The following PCDHGB1 variants were observed in gnomAD, a reference collection of about 807,000 sequenced individuals.
The protein encoded by PCDHGB1 is protocadherin gamma-B1.
A neutral mutation model predicts 56.6 loss-of-function variants in PCDHGB1; 34 were observed. The ratio of observed to expected loss-of-function variants is 0.60; its 90% CI spans 0.46 to 0.80. The LOEUF is 0.80. PCDHGB1 is among the 30% of genes least tolerant of loss of function. The pLI is 0.00. For synonymous variants in PCDHGB1, 561 were observed against 505.9 expected (o/e 1.11, Z -1.46); for missense variants, 1,278 against 1,204.6 (o/e 1.06, Z -0.90).
At chr5:141,385,709 A>G (rs2090329249) in intron 1 of PCDHGB1, 1 of 259,144 alleles carries the variant, frequency 3.9e-6, no homozygotes, top group Non-Finnish European at 6.2e-6. Context: ...TAGCATTCAA[A>G]TATGTAAAAG....
rs1763342277 is a variant in PCDHGB1, at chr5:141,364,464, T to C, written c.2409+11795T>C. 1.2e-6 allele frequency: 2 copies of C among 1,613,996 alleles called. No individual in the cohort carries two copies. The highest frequency in any genetic ancestry group is 1.3e-5 in the African/African-American group (1 of 75,072). On this transcript the variant is annotated intron_variant, in intron 1 of 3. Transcript: ENST00000523390. The stretch of plus-strand genomic sequence containing the variant: ...GAGGAGCTGGACAAAGGCTCCTTCG[T>C]CGGCAACATAGCCAAGGACCTTGGG...
chr5:141,407,371 T>C (rs2094921499), intron 1 of PCDHGB1, among the ~76,000 whole-genome samples: 1 of 152,222 alleles, frequency 6.6e-6, no homozygotes, highest in South Asian at 2.1e-4. Context: ...CAGATATCCA[T>C]GAAGGCTTGT....
intron 3 of PCDHGB1, 96 bp downstream of exon 3, chr5:141,505,577 G>C: frequency 2.5e-6 from 4 of 1,589,854 alleles, no homozygotes; most frequent in Non-Finnish European, 3.4e-6. Flanking sequence ...TGTCAAACCT[G>C]TGTAGTTTCT....
In PCDHGB1 at chr5:141,395,547, TGTGTGTGTGTGTGTG is replaced by T. The variant is rs2093269943; in HGVS notation, c.2409+42879_2409+42893del. On this transcript the variant is annotated intron_variant, in intron 1 of 3. Coordinates refer to ENST00000523390, the MANE Select transcript of PCDHGB1 (RefSeq NM_018922.3). ...ACTGGTAATTTTGCTATTGTTTGTG[TGTGTGTGTGTGTGTG>T]TGTGTGTGTGTGTGTGTGTGTGTGT... 2.2e-3 allele frequency: 375 copies of T among 174,268 alleles called. 18 individuals carry two copies. The highest frequency in any genetic ancestry group is 5.2e-3 in the East Asian group (33 of 6,366). 10.8% of individuals were successfully genotyped at this position (174,268 alleles called of 1,614,324 possible). A position where few individuals can be genotyped will look rare whatever the true frequency, so the allele number is the denominator to read the frequency against.
rs1375469711 is a variant in PCDHGB1, at chr5:141,512,102, C to A, written c.*929C>A. On this transcript the variant is annotated 3_prime_UTR_variant, in exon 4 of 4. Coordinates refer to ENST00000523390, the MANE Select transcript of PCDHGB1 (RefSeq NM_018922.3). ...GCCATAAACCAATAACTAGGCTGGA[C>A]CCTTCCCACTACATAATAGGGCTCA... The A allele has an allele frequency of 6.5e-6, 1 of 152,688 alleles. No individual in the cohort carries two copies. Among genetic ancestry groups the A allele is most frequent in the Non-Finnish European group, 1.5e-5 (1 of 68,070 alleles). The allele number at this position is 152,688 out of a possible 1,614,324, so 9.5% of individuals were successfully genotyped here. A position where few individuals can be genotyped will look rare whatever the true frequency, so the allele number is the denominator to read the frequency against.
rs140916255 is a variant in PCDHGB1, at chr5:141,475,995, C to A, written c.2410-18812C>A. 2,057 of 1,172,604 alleles carry A rather than the reference C, an allele frequency of 1.8e-3. 30 individuals carry two copies. The African/African-American group carries it at 0.027, about 16-fold the overall frequency. 72.6% of individuals were successfully genotyped at this position (1,172,604 alleles called of 1,614,324 possible). ...ACTGAACAGCCGGCGAGCAAATCAA[C>A]GGCATCCAGAAAGCCATGTCGGACT... On this transcript the variant is annotated intron_variant, in intron 1 of 3. Coordinates refer to ENST00000523390, the MANE Select transcript of PCDHGB1 (RefSeq NM_018922.3).
rs1330463387 is a variant in PCDHGB1, at chr5:141,393,177, G to C, written c.2409+40508G>C. ...AGGAAAACTCTTTGGGGTAGAAATA[G>C]AAATAATTGATATTAACGATAATAA... On this transcript the variant is annotated intron_variant, in intron 1 of 3. Transcript: ENST00000523390. The C allele has an allele frequency of 1.2e-6, 2 of 1,613,174 alleles. No individual in the cohort carries two copies. Among genetic ancestry groups the C allele is most frequent in the Non-Finnish European group, 1.7e-6 (2 of 1,179,896 alleles).
At chr5:141,501,983 C>T (rs957901405) in intron 2 of PCDHGB1, among the ~76,000 whole-genome samples, 1 of 152,068 alleles carries the variant, frequency 6.6e-6, no homozygotes, top group Non-Finnish European at 1.5e-5. Context: ...CATCTGGTCC[C>T]GTTGTCTCCC....
chr5:141,405,638 CT>C lies in PCDHGB1; in HGVS notation c.2409+52970del. ...TACAGGCACGTGCCACCACGCCCGG[CT>C]AATTTTTTGTGTGTTTTTAGTAGAG... is the stretch of plus-strand genomic sequence containing the variant. On this transcript the variant is annotated intron_variant, in intron 1 of 3. Coordinates refer to ENST00000523390, the MANE Select transcript of PCDHGB1 (RefSeq NM_018922.3). 3 of 528,680 alleles carry C rather than the reference CT, an allele frequency of 5.7e-6. No individual in the cohort carries two copies. The East Asian group carries it at 9.4e-5, about 17-fold the overall frequency. 32.7% of individuals were successfully genotyped at this position (528,680 alleles called of 1,614,324 possible).
chr5:141,445,376 A>T (rs1182418123), intron 1 of PCDHGB1, among the ~76,000 whole-genome samples: 1 of 152,220 alleles, frequency 6.6e-6, no homozygotes, highest in Non-Finnish European at 1.5e-5. Context: ...TGGGTGGTTC[A>T]TTCATTCATT....
chr5:141,360,899 T>G, intron 1 of PCDHGB1: 1 of 1,614,042 alleles, frequency 6.2e-7, no homozygotes, highest in South Asian at 1.1e-5. Context: ...AGGGAGGACG[T>G]GCCGCCGGGC....
rs1193465269 is a variant in PCDHGB1 at position 141,467,055 on chromosome 5, C to CT, written c.2410-27736dup. Among the ~76,000 whole-genome samples, 814 of 134,448 alleles carry CT rather than the reference C, an allele frequency of 6.1e-3. 10 individuals carry two copies. Among genetic ancestry groups the CT allele is most frequent in the African/African-American group, 0.018 (656 of 36,920 alleles). The allele number at this position is 134,448 out of a possible 152,430, so 88.2% of individuals were successfully genotyped here. A position where few individuals can be genotyped will look rare whatever the true frequency, so the allele number is the denominator to read the frequency against. Reference sequence around the variant, plus strand: ...TTTTTGTGTAATGAATCAATGTTTTCTTTTTTTTTTTTTTTTAGACCAAGT... The same window carrying CT: ...TTTTTGTGTAATGAATCAATGTTTTCTTTTTTTTTTTTTTTTTAGACCAAGT... On this transcript the variant is annotated intron_variant, in intron 1 of 3. Coordinates refer to ENST00000523390, the MANE Select transcript of PCDHGB1 (RefSeq NM_018922.3).
In PCDHGB1 at chr5:141,486,194, C is replaced by A. The variant is rs1248456800; in HGVS notation, c.2410-8613C>A. The A allele has an allele frequency of 6.2e-7, 1 of 1,614,196 alleles. No individual in the cohort carries two copies. Among genetic ancestry groups the A allele is most frequent in the Non-Finnish European group, 8.5e-7 (1 of 1,180,026 alleles). ...ACATTGCAGCCTTCGAGTGGATCTG[C>A]TGGACGTAAATGACAATGCCCCTTA... On this transcript the variant is annotated intron_variant, in intron 1 of 3. Transcript: ENST00000523390. The surrounding 1 kb of genome is among the most constrained non-coding windows in gnomAD (Gnocchi z 5.0).
At chr5:141,375,442 C>A (rs746357528) in intron 1 of PCDHGB1, 1 of 1,614,034 alleles carries the variant, frequency 6.2e-7, no homozygotes, top group Non-Finnish European at 8.5e-7. Flanking sequence ...CCACCTTCCC[C>A]CATTCATCCT....
intron 1 of PCDHGB1, chr5:141,430,875 T>A (rs1323872183): frequency 6.3e-7 from 1 of 1,599,400 alleles, no homozygotes; most frequent in Non-Finnish European, 8.5e-7. Context: ...CCGGAAGAGC[T>A]GGAGAAAGGC....
In PCDHGB1 at chr5:141,476,335, C is replaced by A; in HGVS notation, c.2410-18472C>A. On this transcript the variant is annotated intron_variant, in intron 1 of 3. Coordinates refer to ENST00000523390, the MANE Select transcript of PCDHGB1 (RefSeq NM_018922.3). The surrounding 1 kb of genome is among the most constrained non-coding windows in gnomAD (Gnocchi z 7.6). Reference sequence around the variant, plus strand: ...GGTTCCGGGTGGTGTCTGGAGCTAGCCGAAGATTCTTTGAGGTGAACCGGG... The same window carrying A: ...GGTTCCGGGTGGTGTCTGGAGCTAGACGAAGATTCTTTGAGGTGAACCGGG... 2 of 1,614,120 alleles carry A rather than the reference C, an allele frequency of 1.2e-6. No individual in the cohort carries two copies. Among genetic ancestry groups the A allele is most frequent in the Non-Finnish European group, 1.7e-6 (2 of 1,180,026 alleles).
chr5:141,354,774 G>A lies in PCDHGB1; in HGVS notation c.2409+2105G>A, dbSNP rs1017891244. On this transcript the variant is annotated intron_variant, in intron 1 of 3. Coordinates refer to ENST00000523390, the MANE Select transcript of PCDHGB1 (RefSeq NM_018922.3). The stretch of plus-strand genomic sequence containing the variant: ...AAGAACACATCTTAGGAAAAAAATC[G>A]TCATATTTTCTCTAAGAAAATAAAT... Among the ~76,000 whole-genome samples the A allele has an allele frequency of 2.0e-5, 3 of 152,108 alleles. No individual in the cohort carries two copies. In the South Asian group the frequency reaches 6.2e-4, roughly 31 times the overall value.
intron 1 of PCDHGB1, chr5:141,362,306 G>T (rs368350867): frequency 5.0e-6 from 8 of 1,613,932 alleles, no homozygotes; most frequent in Non-Finnish European, 5.9e-6. Context: ...TCAGATGCTT[G>T]GGACTGTTTT....
intron 1 of PCDHGB1, chr5:141,415,909 C>T: frequency 2.6e-6 from 2 of 761,032 alleles, no homozygotes; most frequent in Non-Finnish European, 3.7e-6. Context: ...GACTTCCATA[C>T]AGAAGTGCCT....
Sources: allele counts gnomAD v4.1 joint callset (sites outside exome capture counted in the v4.1 genomes callset), GRCh38; gene constraint gnomAD v4.1.1; non-coding constraint Gnocchi (gnomAD v3.1); transcripts MANE v1.5; gene names NCBI Gene and HGNC (gene_info 2026-07-23, HGNC 2026-07-21).